Variants in OSBPL11 observed in about 807,000 individuals in gnomAD.
OSBPL11 encodes the protein oxysterol binding protein like 11.
In OSBPL11, 33 loss-of-function variants were observed where a neutral mutation model predicts 84.4. The observed-to-expected ratio is 0.39, with a 90% CI of 0.30 to 0.52. The LOEUF (loss-of-function observed/expected upper bound fraction) is 0.52, where lower values mean the gene tolerates loss of function less well. Ranked by LOEUF, OSBPL11 falls within the 20% of genes least tolerant of loss-of-function variation. The pLI, the probability that OSBPL11 is intolerant of heterozygous loss-of-function variation, is 0.72. For synonymous variants in OSBPL11, 276 were observed against 310.2 expected, an observed-to-expected ratio of 0.89 and a Z score of 1.16; for missense variants, 736 against 901.1, an observed-to-expected ratio of 0.82 and a Z score of 2.35.
chr3:125,532,034 C>T lies in OSBPL11; in HGVS notation c.2025-20G>A, dbSNP rs1297856511. The T allele has an allele frequency of 1.1e-5, 17 of 1,593,114 alleles. No individual in the cohort carries two copies. Among genetic ancestry groups the T allele is most frequent in the Non-Finnish European group, 1.4e-5 (17 of 1,173,374 alleles). On this transcript the variant is annotated intron_variant, in intron 11 of 12. Coordinates refer to ENST00000296220, the MANE Select transcript of OSBPL11 (RefSeq NM_022776.5). Reference sequence around the variant, plus strand: ...AATCGCCTGAAATCCAAAAACCACACATTTTACAAGCATTCTTTAAAAGAG... The same window carrying T: ...AATCGCCTGAAATCCAAAAACCACATATTTTACAAGCATTCTTTAAAAGAG...
At position 125,569,089 on chromosome 3, in the gene OSBPL11, T is replaced by C. The variant is rs559591731; in HGVS notation, c.667-1494A>G. Among the ~76,000 whole-genome samples the C allele has an allele frequency of 1.1e-4, 16 of 152,190 alleles. No individual in the cohort carries two copies. The South Asian group carries it at 3.1e-3, about 30-fold the overall frequency. The stretch of plus-strand genomic sequence containing the variant: ...CCTCCCGGGTAGCTGGAACTACAGG[T>C]GTGTGCCACAATGCCTGGCTAATTT... On this transcript the variant is annotated intron_variant, in intron 5 of 12. Transcript: ENST00000296220.
rs1186020450 is a variant in OSBPL11 at position 125,554,567 on chromosome 3, A to G, written c.1156-1888T>C. ...AGCAGAAGATCTGATTTCTGAGAAA[A>G]CCTCTAACTAGGAATATAAAGAACA... On this transcript the variant is annotated intron_variant, in intron 8 of 12. Coordinates refer to ENST00000296220, the MANE Select transcript of OSBPL11 (RefSeq NM_022776.5). Among the ~76,000 whole-genome samples, 9 of 152,168 alleles carry G rather than the reference A, an allele frequency of 5.9e-5. 1 individual carries two copies. In the South Asian group the frequency reaches 1.9e-3, roughly 32 times the overall value.
At chr3:125,561,464 GGACTT>G (rs1936078310) in intron 7 of OSBPL11, among the ~76,000 whole-genome samples, 1 of 151,788 alleles carries the variant, frequency 6.6e-6, no homozygotes, top group East Asian at 1.9e-4. Flanking sequence ...CAAAAACTTG[GGACTT>G]GACTTGATCC....
intron 8 of OSBPL11, among the ~76,000 whole-genome samples, chr3:125,558,425 A>G (rs1341810141): frequency 1.3e-5 from 2 of 152,228 alleles, no homozygotes; most frequent in Non-Finnish European, 2.9e-5. Context: ...TACTGAAGCT[A>G]TATAAATAAT....
rs137869043 is a variant in OSBPL11 at position 125,591,499 on chromosome 3, AAGG to A, written c.164+3135_164+3137del. 9.2e-3 allele frequency among the ~76,000 whole-genome samples: 1,405 copies of A among 152,320 alleles called. 23 individuals are homozygous for A. The highest frequency in any genetic ancestry group is 0.03 in the African/African-American group (1,263 of 41,568). ...AAGAAGCCCATGTGGCCAGTGAACA[AAGG>A]AGGTCTCTGGCCATCAGTTCATGAG... On this transcript the variant is annotated intron_variant, in intron 1 of 12. Transcript: ENST00000296220.
intron 6 of OSBPL11, among the ~76,000 whole-genome samples, chr3:125,565,927 G>A (rs943301540): frequency 1.3e-5 from 2 of 151,816 alleles, no homozygotes; most frequent in African/African-American, 4.8e-5. Flanking sequence ...GCTTCTCTGT[G>A]CCTTTCTCAG....
At chr3:125,591,953 G>A (rs951055942) in intron 1 of OSBPL11, among the ~76,000 whole-genome samples, 1 of 152,064 alleles carries the variant, frequency 6.6e-6, no homozygotes, top group Non-Finnish European at 1.5e-5. Flanking sequence ...AGTGAGCTAT[G>A]ATGGAGACAC....
intron 4 of OSBPL11, among the ~76,000 whole-genome samples, chr3:125,578,026 TATA>T (rs1289287385): frequency 1.3e-5 from 2 of 152,136 alleles, no homozygotes; most frequent in Non-Finnish European, 2.9e-5. Context: ...CTTGAACACT[TATA>T]ATGTTATTCA....
At chr3:125,564,286 T>C (rs1936124807) in intron 6 of OSBPL11, among the ~76,000 whole-genome samples, 2 of 152,226 alleles carry the variant, frequency 1.3e-5, no homozygotes, top group African/African-American at 4.8e-5. Flanking sequence ...GCAACAATTG[T>C]CTAACCAATC....
chr3:125,561,684 T>G (rs1936081485), intron 7 of OSBPL11, among the ~76,000 whole-genome samples: 1 of 152,258 alleles, frequency 6.6e-6, no homozygotes, highest in Non-Finnish European at 1.5e-5. Context: ...TTCTGCATTA[T>G]TTTTATGTTA....
rs746025291 is a variant in OSBPL11, at chr3:125,552,511, C to T, written c.1324G>A (p.Gly442Arg). 1 of 1,614,112 alleles carries T rather than the reference C, an allele frequency of 6.2e-7. No individual in the cohort carries two copies. Among genetic ancestry groups the T allele is most frequent in the Non-Finnish European group, 8.5e-7 (1 of 1,180,022 alleles). ...YLTSFHEGRK[G>R]AIAKKPYNPI... ...TTGTATGGTTTTTTAGCAATGGCTC[C>T]CTTACGGCCTTCATGAAATGAGGTA... Residue 442 changes from glycine to arginine, a missense_variant, in exon 9 of 13, where the codon GGA becomes AGA. Gly to Arg is a moderately radical substitution (Grantham distance 125). This residue lies in a region of OSBPL11 where 579 missense variants were observed against 717.6 expected (regional missense o/e 0.81). Coordinates refer to ENST00000296220, the MANE Select transcript of OSBPL11 (RefSeq NM_022776.5).
intron 5 of OSBPL11, among the ~76,000 whole-genome samples, chr3:125,571,045 G>T (rs896136271): frequency 2.6e-5 from 4 of 152,206 alleles, no homozygotes; most frequent in Non-Finnish European, 4.4e-5. Flanking sequence ...GAATGGCTTT[G>T]CCCAAAATGC....
At chr3:125,530,699 T>C in intron 12 of OSBPL11, 119 bp from the exon 13 acceptor site, 2 of 810,970 alleles carry the variant, frequency 2.5e-6, no homozygotes, top group Non-Finnish European at 4.1e-6. Context: ...AAACAAGTTT[T>C]TGTGAAGGAA....
chr3:125,538,431 T>C lies in OSBPL11; in HGVS notation c.2024+20A>G. ...GCAGAGCATCTGACTCTTTCCTGGA[T>C]AGATGCAAGGATGACATACCTGGAT... is the stretch of plus-strand genomic sequence containing the variant. On this transcript the variant is annotated intron_variant, in intron 11 of 12. Coordinates refer to ENST00000296220, the MANE Select transcript of OSBPL11 (RefSeq NM_022776.5). 6.2e-7 allele frequency: 1 copy of C among 1,606,696 alleles called. No individual in the cohort carries two copies. Among genetic ancestry groups the C allele is most frequent in the Non-Finnish European group, 8.5e-7 (1 of 1,175,930 alleles).
intron 5 of OSBPL11, among the ~76,000 whole-genome samples, chr3:125,569,632 C>A (rs1028752091): frequency 4.6e-5 from 7 of 152,324 alleles, no homozygotes; most frequent in Middle Eastern, 3.4e-3. Context: ...ACACTCTTAG[C>A]TACCTAACCA....
intron 5 of OSBPL11, among the ~76,000 whole-genome samples, chr3:125,568,578 A>G (rs1580054601): frequency 6.6e-6 from 1 of 152,240 alleles, no homozygotes; most frequent in Admixed American, 6.5e-5. Context: ...ACCTTTGGTC[A>G]GGCTCAATTT....
intron 11 of OSBPL11, among the ~76,000 whole-genome samples, chr3:125,537,159 CAA>C (rs574427912): frequency 2.2e-4 from 19 of 88,202 alleles, no homozygotes; most frequent in Admixed American, 3.7e-4. Context: ...GACCCTGTCT[CAA>C]AAAAAAAAAA....
intron 8 of OSBPL11, 77 bp downstream of exon 8, chr3:125,560,302 A>G (rs1936056604): frequency 1.1e-5 from 14 of 1,235,198 alleles, no homozygotes; most frequent in Non-Finnish European, 1.5e-5. Flanking sequence ...AAATAAATAA[A>G]AAGTCCTGAC....
chr3:125,537,149 G>C (rs925229631), intron 11 of OSBPL11, among the ~76,000 whole-genome samples: 2 of 117,060 alleles, frequency 1.7e-5, no homozygotes, highest in African/African-American at 7.2e-5. Flanking sequence ...GACAGGGTGA[G>C]ACCCTGTCTC....
Sources: allele counts gnomAD v4.1 joint callset (sites outside exome capture counted in the v4.1 genomes callset), GRCh38; gene constraint gnomAD v4.1.1; regional missense constraint gnomAD v4.1.1; transcripts MANE v1.5; gene names NCBI Gene and HGNC (gene_info 2026-07-23, HGNC 2026-07-21).